Variants in AFG2A observed in about 807,000 individuals in gnomAD.
The protein encoded by AFG2A is AAA ATPase AFG2A, also known as ATPase family gene 2 protein homolog A.
chr4:123,021,841 A>G, the AFG2A span, among the ~76,000 whole-genome samples: 1 of 152,182 alleles, frequency 6.6e-6, no homozygotes, highest in Non-Finnish European at 1.5e-5. Flanking sequence ...AAACAGAGAT[A>G]TAGATCAATG....
At chr4:122,943,020 T>A in the AFG2A span, among the ~76,000 whole-genome samples, 13 of 152,276 alleles carry the variant, frequency 8.5e-5, no homozygotes, top group Non-Finnish European at 1.3e-4. Flanking sequence ...TAATTTCTGT[T>A]CTTTTACATT....
At chr4:123,195,186 T>C in the AFG2A span, among the ~76,000 whole-genome samples, 1 of 152,204 alleles carries the variant, frequency 6.6e-6, no homozygotes, top group Non-Finnish European at 1.5e-5. Flanking sequence ...CGTGGTATTA[T>C]GTGGAGAAGA....
chr4:123,186,779 G>A, the AFG2A span, among the ~76,000 whole-genome samples: 5 of 152,052 alleles, frequency 3.3e-5, no homozygotes, highest in East Asian at 1.9e-4. Flanking sequence ...TAAAGCTGGC[G>A]GGTGGGGAGG....
chr4:123,097,269 A>C, the AFG2A span, among the ~76,000 whole-genome samples: 1 of 152,078 alleles, frequency 6.6e-6, no homozygotes. Context: ...AAATACCCTC[A>C]GAAGAAAGGC....
At chr4:122,986,147 T>A in the AFG2A span, among the ~76,000 whole-genome samples, 1 of 152,192 alleles carries the variant, frequency 6.6e-6, no homozygotes, top group Non-Finnish European at 1.5e-5. Flanking sequence ...GTGCTTGATA[T>A]AATTTCAATT....
At chr4:123,028,651 A>T in the AFG2A span, among the ~76,000 whole-genome samples, 1 of 152,206 alleles carries the variant, frequency 6.6e-6, no homozygotes, top group Admixed American at 6.5e-5. Flanking sequence ...TCTTATATCC[A>T]TGTGTAACAG....
At chr4:123,050,610 T>C in the AFG2A span, among the ~76,000 whole-genome samples, 1 of 152,166 alleles carries the variant, frequency 6.6e-6, no homozygotes, top group African/African-American at 2.4e-5. Flanking sequence ...TTATCTGATA[T>C]AAATATAGCT....
At chr4:122,935,596 G>T in the AFG2A span, 1 of 1,222,786 alleles carries the variant, frequency 8.2e-7, no homozygotes, top group Non-Finnish European at 1.1e-6. Context: ...AAAAACTCTT[G>T]ACTCTTTTTG....
chr4:123,057,942 A>G, the AFG2A span, among the ~76,000 whole-genome samples: 2 of 152,160 alleles, frequency 1.3e-5, no homozygotes, highest in African/African-American at 4.8e-5. Flanking sequence ...CTTTGTGCAT[A>G]GCTTCTTGAT....
chr4:123,143,789 C>T, the AFG2A span, among the ~76,000 whole-genome samples: 2 of 149,018 alleles, frequency 1.3e-5, no homozygotes, highest in African/African-American at 4.9e-5. Context: ...CTCCTGAACC[C>T]AAAGCTTGAC....
the AFG2A span, among the ~76,000 whole-genome samples, chr4:123,043,453 A>G: frequency 6.6e-6 from 1 of 151,952 alleles, no homozygotes; most frequent in African/African-American, 2.4e-5. Context: ...TCAATTGTAT[A>G]TATGAGGGGA....
the AFG2A span, among the ~76,000 whole-genome samples, chr4:123,192,361 A>C: frequency 1.3e-5 from 2 of 152,122 alleles, no homozygotes; most frequent in African/African-American, 4.8e-5. Context: ...TTAAAGTCTT[A>C]CCTTTTATAT....
the AFG2A span, among the ~76,000 whole-genome samples, chr4:123,094,642 C>G: frequency 2.0e-5 from 3 of 151,834 alleles, no homozygotes; most frequent in African/African-American, 7.3e-5. Flanking sequence ...GTTACAGGAG[C>G]TGACAAAAAA....
the AFG2A span, among the ~76,000 whole-genome samples, chr4:123,156,130 C>T: frequency 3.2e-4 from 48 of 152,176 alleles, no homozygotes; most frequent in African/African-American, 1.2e-3. Context: ...GACTAACACC[C>T]AGGATATGGC....
the AFG2A span, among the ~76,000 whole-genome samples, chr4:123,048,954 A>G: frequency 6.6e-6 from 1 of 152,088 alleles, no homozygotes; most frequent in Non-Finnish European, 1.5e-5. Flanking sequence ...TCTTGGTGTA[A>G]AGGCTTTCCA....
At chr4:123,115,168 C>T in the AFG2A span, among the ~76,000 whole-genome samples, 17 of 152,034 alleles carry the variant, frequency 1.1e-4, no homozygotes, top group Admixed American at 3.3e-4. Flanking sequence ...ATGACATTGC[C>T]GCAAGTTCCC....
the AFG2A span, among the ~76,000 whole-genome samples, chr4:123,121,286 A>G: frequency 6.6e-6 from 1 of 151,750 alleles, no homozygotes; most frequent in African/African-American, 2.4e-5. Context: ...TTATAAAGTA[A>G]GTTACAGATT....
At chr4:123,269,031 G>T in the AFG2A span, among the ~76,000 whole-genome samples, 2 of 152,186 alleles carry the variant, frequency 1.3e-5, no homozygotes, top group Admixed American at 1.3e-4. Context: ...GCAAAGTATT[G>T]TCTGAAGAAA....
At chr4:123,285,670 C>CA in the AFG2A span, among the ~76,000 whole-genome samples, 2 of 152,118 alleles carry the variant, frequency 1.3e-5, no homozygotes, top group Non-Finnish European at 2.9e-5. Context: ...ACCAGGCTCC[C>CA]AGTAGATGCT....
Sources: gnomAD v4.1 joint callset for allele counts (sites outside exome capture counted in the v4.1 genomes callset) on GRCh38, gnomAD v4.1.1 for gene constraint, MANE v1.5 for transcripts, NCBI Gene and HGNC (gene_info 2026-07-23, HGNC 2026-07-21) for gene names.